The following TBX5 variants were observed in gnomAD, a reference collection of about 807,000 sequenced individuals.
TBX5 encodes the protein T-box transcription factor TBX5.
In TBX5, 8 loss-of-function variants were observed where a neutral mutation model predicts 51.1. The observed-to-expected ratio is 0.16, with a 90% CI of 0.09 to 0.28. The LOEUF (loss-of-function observed/expected upper bound fraction) is 0.28. Among genes scored for constraint, TBX5 ranks in the 10% least tolerant of loss-of-function variants. TBX5 has a pLI of 1.00. For synonymous variants in TBX5, 302 were observed against 266.4 expected, an observed-to-expected ratio of 1.13 and a Z score of -1.30; for missense variants, 589 against 671.7, an observed-to-expected ratio of 0.88 and a Z score of 1.36.
chr12:114,384,095 A>T (rs1870662250), intron 7 of TBX5, among the ~76,000 whole-genome samples: 1 of 152,214 alleles, frequency 6.6e-6, no homozygotes, highest in Non-Finnish European at 1.5e-5. Flanking sequence ...CAAAATGTAG[A>T]TGCTTAAAAC....
intron 6 of TBX5, among the ~76,000 whole-genome samples, chr12:114,389,866 G>A: frequency 6.7e-6 from 1 of 150,122 alleles, no homozygotes; most frequent in East Asian, 2.0e-4. Context: ...CGAAGATGGT[G>A]AGGCTGTGAC....
chr12:114,388,835 T>C (rs1593869750), intron 6 of TBX5, among the ~76,000 whole-genome samples: 1 of 151,334 alleles, frequency 6.6e-6, no homozygotes, highest in South Asian at 2.1e-4. Flanking sequence ...CCTCCAGCTC[T>C]TGGCCTCCCA....
At chr12:114,394,594 A>C in intron 6 of TBX5, 147 bp downstream of exon 6, 1 of 1,041,650 alleles carries the variant, frequency 9.6e-7, no homozygotes, top group Non-Finnish European at 1.5e-6. Context: ...CTTAGGCTGC[A>C]GCTTTGTCCC....
intron 7 of TBX5, among the ~76,000 whole-genome samples, chr12:114,384,446 T>A (rs1870684777): frequency 6.6e-6 from 1 of 152,158 alleles, no homozygotes; most frequent in Non-Finnish European, 1.5e-5. Flanking sequence ...TAGCATTATT[T>A]TTTAAAAAGC....
At chr12:114,408,137 A>T, upstream of TBX5, 1 of 985,404 alleles carries the variant, frequency 1.0e-6, no homozygotes, top group Non-Finnish European at 1.2e-6. Flanking sequence ...GCGCGCTGTC[A>T]CGTTTGGCTG....
intron 4 of TBX5, 40 bp from the exon 5 acceptor site, chr12:114,398,760 T>G (rs1871595627): frequency 6.3e-7 from 1 of 1,578,726 alleles, no homozygotes; most frequent in Non-Finnish European, 8.6e-7. Flanking sequence ...TGGCTCAGAG[T>G]CTGGAGGTAG....
chr12:114,403,376 C>T (rs1304235692), intron 2 of TBX5, among the ~76,000 whole-genome samples: 2 of 149,718 alleles, frequency 1.3e-5, no homozygotes, highest in South Asian at 4.2e-4. Flanking sequence ...CTGACCTGGC[C>T]CTTATTAAGA....
chr12:114,407,523 G>T (rs551012845), upstream of TBX5, among the ~76,000 whole-genome samples: 11 of 152,292 alleles, frequency 7.2e-5, no homozygotes, highest in Admixed American at 2.0e-4. Context: ...ATAATCTTCA[G>T]GCCCCTCCAG....
chr12:114,406,687 G>A (rs921790332), upstream of TBX5, among the ~76,000 whole-genome samples: 10 of 152,068 alleles, frequency 6.6e-5, no homozygotes, highest in African/African-American at 2.4e-4. Context: ...AAATCGCTGC[G>A]GGCCCTCACC....
chr12:114,355,947 G>A lies in TBX5; in HGVS notation c.1142C>T (p.Ala381Val). The A allele has an allele frequency of 6.2e-7, 1 of 1,613,906 alleles. No individual in the cohort carries two copies. The highest frequency in any genetic ancestry group is 1.1e-5 in the South Asian group (1 of 91,080). The change falls in exon 9 of 9, where the codon GCC becomes GTC. Residue 381 changes from alanine (A) to valine (V), a missense_variant. Transcript: ENST00000405440. ...AGGCTCGCTGGGGGGCGCAGAGCTG[G>A]CATACATGCAAGCTTGCCGCTGTGC... is the stretch of plus-strand genomic sequence containing the variant. ...ESAQRQACMYASSAPPSEPVP... is the reference protein window; with the variant it reads ...ESAQRQACMYVSSAPPSEPVP...
chr12:114,405,235 T>A (rs1409410931), intron 1 of TBX5, among the ~76,000 whole-genome samples: 1 of 152,170 alleles, frequency 6.6e-6, no homozygotes, highest in African/African-American at 2.4e-5. Context: ...TTCTCGGGGC[T>A]TCAGGGAGGC....
intron 7 of TBX5, among the ~76,000 whole-genome samples, chr12:114,383,948 G>A (rs527591905): frequency 1.3e-5 from 2 of 152,210 alleles, no homozygotes; most frequent in East Asian, 1.9e-4. Flanking sequence ...CCACCTTAAC[G>A]GCAAATCACC....
chr12:114,396,739 A>C (rs1871456197), intron 5 of TBX5, among the ~76,000 whole-genome samples: 1 of 152,138 alleles, frequency 6.6e-6, no homozygotes, highest in Admixed American at 6.5e-5. Flanking sequence ...CAGCCCAGAG[A>C]TGCATGTGGA....
intron 8 of TBX5, among the ~76,000 whole-genome samples, chr12:114,360,485 T>G (rs1593841223): frequency 1.6e-5 from 2 of 122,400 alleles, no homozygotes; most frequent in Admixed American, 8.6e-5. Flanking sequence ...CATGGATGGG[T>G]GGGTGGGTAG....
At chr12:114,359,116 C>T (rs1022093871) in intron 8 of TBX5, among the ~76,000 whole-genome samples, 5 of 152,142 alleles carry the variant, frequency 3.3e-5, no homozygotes, top group African/African-American at 4.8e-5. Context: ...AGAAAACGGC[C>T]GGAACACATT....
In TBX5 at chr12:114,355,492, T is replaced by C. The variant is rs10850326; in HGVS notation, c.*40A>G. 0.016 allele frequency: 25,928 copies of C among 1,609,080 alleles called. 2,668 individuals carry two copies. In the East Asian group the frequency reaches 0.33, roughly 20 times the overall value. ...TCTCTCTCTTTCTCCTCTCTCTCTC[T>C]CTTTCTCTAGGAAATGTCTGTTGTG... On this transcript the variant is annotated 3_prime_UTR_variant, in exon 9 of 9. Transcript: ENST00000405440.
At chr12:114,376,387 G>A (rs910196361) in intron 7 of TBX5, among the ~76,000 whole-genome samples, 3 of 152,034 alleles carry the variant, frequency 2.0e-5, no homozygotes, top group African/African-American at 4.8e-5. Context: ...GAAACAAGCC[G>A]GACACAGAAA....
upstream of TBX5, among the ~76,000 whole-genome samples, chr12:114,406,483 G>A (rs1872232744): frequency 6.6e-6 from 1 of 152,018 alleles, no homozygotes. Context: ...ACACACCGCG[G>A]GCCTCCGCAG....
Position 114,370,288 on chromosome 12 carries a change from G to GAAAAGAAAAGA in TBX5, c.756-3898_756-3897insTCTTTTCTTTT, listed in dbSNP as rs56105735. Among the ~76,000 whole-genome samples the GAAAAGAAAAGA allele has an allele frequency of 2.5e-4, 14 of 56,752 alleles. 1 individual carries two copies. Among genetic ancestry groups the GAAAAGAAAAGA allele is most frequent in the South Asian group, 1.6e-3 (3 of 1,836 alleles). The allele number at this position is 56,752 out of a possible 152,430, so 37.2% of individuals were successfully genotyped here. On this transcript the variant is annotated intron_variant, in intron 7 of 8. Transcript: ENST00000405440. ...GAAAAGAAAAGAAAAGAAAAGAAAA[G>GAAAAGAAAAGA]AAAGAAAAGAAAAGAAAAGAAAAGA...
Sources: gnomAD v4.1 joint callset for allele counts (sites outside exome capture counted in the v4.1 genomes callset) on GRCh38, gnomAD v4.1.1 for gene constraint, MANE v1.5 for transcripts, NCBI Gene and HGNC (gene_info 2026-07-23, HGNC 2026-07-21) for gene names.